The following RAPGEF4 variants were observed in gnomAD, a reference collection of about 807,000 sequenced individuals.
RAPGEF4 encodes Rap guanine nucleotide exchange factor 4, also known as RAP guanine-nucleotide-exchange factor (GEF) 4.
In RAPGEF4, 66 loss-of-function variants were observed where a neutral mutation model predicts 147.9. The ratio of observed to expected loss-of-function variants is 0.45; its 90% CI spans 0.37 to 0.55. RAPGEF4 has a LOEUF of 0.55. Among genes scored for constraint, RAPGEF4 ranks in the 20% least tolerant of loss-of-function variants. RAPGEF4 has a pLI of 0.00. For missense variants in RAPGEF4, 1,071 were observed against 1,257.3 expected, an observed-to-expected ratio of 0.85 and a Z score of 2.24; for synonymous variants, 419 against 442.7, an observed-to-expected ratio of 0.95 and a Z score of 0.67.
chr2:173,019,950 G>C (rs1410868132), intron 22 of RAPGEF4, among the ~76,000 whole-genome samples: 1 of 151,868 alleles, frequency 6.6e-6, no homozygotes, highest in Non-Finnish European at 1.5e-5. Context: ...TTTATTGTTG[G>C]CATCTCCCAC....
At chr2:172,791,238 A>G (rs985097823) in intron 1 of RAPGEF4, among the ~76,000 whole-genome samples, 2 of 152,184 alleles carry the variant, frequency 1.3e-5, no homozygotes, top group Admixed American at 6.5e-5. Context: ...GCTCACCTCT[A>G]TGCTATTTAG....
intron 5 of RAPGEF4, among the ~76,000 whole-genome samples, chr2:172,921,946 G>A (rs928891300): frequency 1.3e-5 from 2 of 152,212 alleles, no homozygotes; most frequent in Non-Finnish European, 2.9e-5. Context: ...AAAATTCCGA[G>A]TGTTCTGGTG....
chr2:172,973,846 C>T (rs978754818), intron 10 of RAPGEF4, among the ~76,000 whole-genome samples: 6 of 152,290 alleles, frequency 3.9e-5, no homozygotes, highest in Admixed American at 1.3e-4. Context: ...CTTTGAGATA[C>T]GTGCATTTGA....
chr2:172,994,387 T>A (rs2105757797), intron 15 of RAPGEF4, among the ~76,000 whole-genome samples: 1 of 152,276 alleles, frequency 6.6e-6, no homozygotes, highest in South Asian at 2.1e-4. Context: ...GCCATGAAAC[T>A]CATGCTTGTT....
chr2:172,846,455 G>C (rs993487397), intron 4 of RAPGEF4, among the ~76,000 whole-genome samples: 39 of 152,122 alleles, frequency 2.6e-4, no homozygotes, highest in Non-Finnish European at 2.9e-5. Context: ...TTCATTGACT[G>C]GATATACCAC....
At position 172,961,110 on chromosome 2, in the gene RAPGEF4, A is replaced by G. The variant is rs1483680844; in HGVS notation, c.592-12A>G. 1.3e-6 allele frequency: 2 copies of G among 1,561,736 alleles called. No homozygotes were observed. Among genetic ancestry groups the G allele is most frequent in the Admixed American group, 1.7e-5 (1 of 59,798 alleles). On this transcript the variant is annotated splice_polypyrimidine_tract_variant and intron_variant, in intron 7 of 30. Transcript: ENST00000397081. ...CTTTCTCCTCCCCTCCTTCCACCTG[A>G]TTACAATCCAGGTCCCTTCAGAGAA... is the stretch of plus-strand genomic sequence containing the variant.
At chr2:172,745,428 G>T (rs1694678555) in intron 1 of RAPGEF4, among the ~76,000 whole-genome samples, 1 of 150,664 alleles carries the variant, frequency 6.6e-6, no homozygotes, top group Non-Finnish European at 1.5e-5. Context: ...TCTGTCCTTT[G>T]TATCCCATAT....
chr2:172,878,455 C>T (rs907648398), intron 4 of RAPGEF4, among the ~76,000 whole-genome samples: 1 of 152,130 alleles, frequency 6.6e-6, no homozygotes, highest in Non-Finnish European at 1.5e-5. Flanking sequence ...CAGCTTGGGG[C>T]AGATGGCAGC....
chr2:172,775,495 C>T (rs773694491), intron 1 of RAPGEF4, among the ~76,000 whole-genome samples: 1 of 152,196 alleles, frequency 6.6e-6, no homozygotes, highest in Non-Finnish European at 1.5e-5. Context: ...GTCCTTGGCA[C>T]AAATCATGCT....
At chr2:173,037,812 C>A (rs912042332) in intron 29 of RAPGEF4, among the ~76,000 whole-genome samples, 5 of 152,160 alleles carry the variant, frequency 3.3e-5, no homozygotes, top group Admixed American at 6.5e-5. Context: ...GTTTCCCCAA[C>A]AGAAAATGGG....
At chr2:172,954,399 C>T (rs529088337) in intron 6 of RAPGEF4, among the ~76,000 whole-genome samples, 4 of 152,092 alleles carry the variant, frequency 2.6e-5, no homozygotes, top group Non-Finnish European at 4.4e-5. Context: ...TGGCCATAAG[C>T]GACAACTTTC....
At chr2:172,914,609 A>G (rs943299693) in intron 4 of RAPGEF4, among the ~76,000 whole-genome samples, 4 of 149,136 alleles carry the variant, frequency 2.7e-5, no homozygotes, top group African/African-American at 7.3e-5. Context: ...GAGGAAGAAA[A>G]GAGAAAGAGA....
At chr2:172,788,101 G>A (rs1474198187) in intron 1 of RAPGEF4, among the ~76,000 whole-genome samples, 1 of 152,152 alleles carries the variant, frequency 6.6e-6, no homozygotes, top group East Asian at 1.9e-4. Flanking sequence ...GCTAGTCTCT[G>A]GGGTCTCTTA....
intron 23 of RAPGEF4, among the ~76,000 whole-genome samples, chr2:173,023,716 T>G (rs1696343824): frequency 6.6e-6 from 1 of 152,216 alleles, no homozygotes; most frequent in South Asian, 2.1e-4. Flanking sequence ...AATATTAGAC[T>G]CTTCCCTGTG....
chr2:172,850,442 C>T (rs1377763744), intron 4 of RAPGEF4, among the ~76,000 whole-genome samples: 1 of 151,846 alleles, frequency 6.6e-6, no homozygotes, highest in African/African-American at 2.4e-5. Flanking sequence ...ACGGTGAAAC[C>T]CCATCTCTAC....
Position 172,784,927 on chromosome 2 carries a change from G to GC in RAPGEF4, c.66-10098_66-10097insC, listed in dbSNP as rs550967258. Among the ~76,000 whole-genome samples, 605 of 152,064 alleles carry GC rather than the reference G, an allele frequency of 4.0e-3. 3 individuals are homozygous for GC. The highest frequency in any genetic ancestry group is 0.014 in the African/African-American group (588 of 41,468). The stretch of plus-strand genomic sequence containing the variant: ...CACAACCTCCACCTCCCGGGTTCAA[G>GC]TGTTTCTCCTGCCTCAGCCTCCCGA... On this transcript the variant is annotated intron_variant, in intron 1 of 30. Transcript: ENST00000397081.
chr2:172,995,468 C>T (rs1226958696), intron 15 of RAPGEF4, among the ~76,000 whole-genome samples: 3 of 152,108 alleles, frequency 2.0e-5, no homozygotes, highest in Non-Finnish European at 4.4e-5. Context: ...TTAGTAGAGA[C>T]GGGGCTTCAC....
intron 6 of RAPGEF4, among the ~76,000 whole-genome samples, chr2:172,957,733 G>C (rs969123971): frequency 6.6e-6 from 1 of 152,200 alleles, no homozygotes; most frequent in African/African-American, 2.4e-5. Context: ...AGCCGGAGAA[G>C]GATCTGAGGA....
chr2:172,866,991 C>CCCAGGCTG (rs1248274835), intron 4 of RAPGEF4, among the ~76,000 whole-genome samples: 1 of 149,554 alleles, frequency 6.7e-6, no homozygotes, highest in African/African-American at 2.5e-5. Context: ...CTTGCTGTCA[C>CCCAGGCTG]CCAGGCTGCC....
Sources: allele counts gnomAD v4.1 joint callset (sites outside exome capture counted in the v4.1 genomes callset), GRCh38; gene constraint gnomAD v4.1.1; transcripts MANE v1.5; gene names NCBI Gene and HGNC (gene_info 2026-07-23, HGNC 2026-07-21).